CUEDC1: variants seen among roughly 807,000 people sequenced by gnomAD.
The protein encoded by CUEDC1 is CUE domain containing 1.
A neutral mutation model predicts 43.7 loss-of-function variants in CUEDC1; 30 were observed. The ratio of observed to expected loss-of-function variants is 0.69; its 90% CI spans 0.51 to 0.93. The LOEUF is 0.93. Ranked by LOEUF, CUEDC1 falls within the 40% of genes least tolerant of loss-of-function variation. The probability of loss-of-function intolerance (pLI) is 0.00; values close to 1 mark genes in which losing one functional copy is unlikely to be tolerated. For missense variants in CUEDC1, 486 were observed against 549.0 expected, an observed-to-expected ratio of 0.89 and a Z score of 1.15; for synonymous variants, 223 against 223.6, an observed-to-expected ratio of 1.00 and a Z score of 0.02.
intron 1 of CUEDC1, among the ~76,000 whole-genome samples, chr17:57,935,768 C>G (rs2074856031): frequency 6.6e-6 from 1 of 152,164 alleles, no homozygotes; most frequent in South Asian, 2.1e-4. Flanking sequence ...AGCGCCTGGC[C>G]GTCCCACCCC....
Position 57,868,835 on chromosome 17 carries a change from G to A in CUEDC1, c.940+287C>T, listed in dbSNP as rs939172161. On this transcript the variant is annotated intron_variant, in intron 7 of 10. Coordinates refer to ENST00000577830, the MANE Select transcript of CUEDC1 (RefSeq NM_001271875.2). ...CAGTCAGCTCCGGCCAAGCCTCCTC[G>A]AGCCACAGAGAACGTGAACATGAGG... Among the ~76,000 whole-genome samples, 7 of 152,188 alleles carry A rather than the reference G, an allele frequency of 4.6e-5. No homozygotes were observed. In the South Asian group the frequency reaches 6.2e-4, roughly 14 times the overall value.
chr17:57,894,539 C>T lies in CUEDC1; in HGVS notation c.-315-8660G>A, dbSNP rs369176823. ...TACAAAAATTAGCCCAGTGTGGTGG[C>T]GCATGCCTGTAATCCCAGCTACTTG... On this transcript the variant is annotated intron_variant, in intron 1 of 10. Transcript: ENST00000577830. 4.4e-4 allele frequency among the ~76,000 whole-genome samples: 67 copies of T among 152,006 alleles called. 1 individual carries two copies. Among genetic ancestry groups the T allele is most frequent in the African/African-American group, 1.6e-3 (65 of 41,466 alleles).
At chr17:57,909,124 T>G (rs997408773) in intron 1 of CUEDC1, among the ~76,000 whole-genome samples, 6 of 152,320 alleles carry the variant, frequency 3.9e-5, no homozygotes, top group African/African-American at 1.2e-4. Context: ...TAATTAAAAT[T>G]AAATAAAATG....
At chr17:57,866,690 T>C (rs1212284715) in intron 9 of CUEDC1, 146 bp from the exon 10 acceptor site, 9 of 711,796 alleles carry the variant, frequency 1.3e-5, no homozygotes, top group Middle Eastern at 2.8e-4. Flanking sequence ...AGACGATGCA[T>C]GGGTCCAGGG....
intron 1 of CUEDC1, among the ~76,000 whole-genome samples, chr17:57,897,647 T>A: frequency 8.1e-6 from 1 of 122,808 alleles, no homozygotes; most frequent in Non-Finnish European, 1.7e-5. Context: ...TCCAGCCTGG[T>A]CTCAATGAAA....
rs756698654 is a variant in CUEDC1, at chr17:57,868,248, G to T, written c.941-5C>A. 1.2e-6 allele frequency: 2 copies of T among 1,613,716 alleles called. No homozygotes were observed. The stretch of plus-strand genomic sequence containing the variant: ...CAAACAGTTTCCTCCGGGTGGCTGG[G>T]GGCAGAGAGACCTGTGAGTCATTCT... On this transcript the variant is annotated splice_region_variant and splice_polypyrimidine_tract_variant and intron_variant, in intron 7 of 10. Coordinates refer to ENST00000577830, the MANE Select transcript of CUEDC1 (RefSeq NM_001271875.2).
At chr17:57,904,773 TG>T (rs1188012491) in intron 1 of CUEDC1, among the ~76,000 whole-genome samples, 1 of 150,858 alleles carries the variant, frequency 6.6e-6, no homozygotes, top group Non-Finnish European at 1.5e-5. Flanking sequence ...CGTAGGGGAG[TG>T]GGGGGGCCTC....
intron 1 of CUEDC1, among the ~76,000 whole-genome samples, chr17:57,928,384 C>A (rs2074769399): frequency 6.6e-6 from 1 of 151,916 alleles, no homozygotes; most frequent in Non-Finnish European, 1.5e-5. Flanking sequence ...CCCATCTCTA[C>A]TAAAAATACA....
intron 1 of CUEDC1, among the ~76,000 whole-genome samples, chr17:57,935,406 A>AAAC (rs2074851586): frequency 2.6e-5 from 2 of 77,012 alleles, no homozygotes; most frequent in Non-Finnish European, 6.7e-5. Context: ...CACACACACA[A>AAAC]ACACACACAC....
chr17:57,881,083 C>A (rs1339856770), intron 2 of CUEDC1, among the ~76,000 whole-genome samples: 10 of 152,256 alleles, frequency 6.6e-5, no homozygotes, highest in Non-Finnish European at 1.0e-4. Context: ...CTCACTGGTA[C>A]ATCTCTGCTC....
chr17:57,897,978 A>C (rs1356144882), intron 1 of CUEDC1, among the ~76,000 whole-genome samples: 1 of 152,190 alleles, frequency 6.6e-6, no homozygotes, highest in Non-Finnish European at 1.5e-5. Flanking sequence ...GCACCACTGC[A>C]CTCCAGCCTG....
intron 1 of CUEDC1, among the ~76,000 whole-genome samples, chr17:57,937,535 G>T (rs987392121): frequency 2.0e-5 from 3 of 151,750 alleles, no homozygotes; most frequent in Admixed American, 6.6e-5. Context: ...GCTTGAACCT[G>T]GGAGGTCTAG....
rs1281652279 is a variant in CUEDC1 at position 57,885,661 on chromosome 17, G to A, written c.-97C>T. ...AGCCGCTTACTTGCCCTGCGGTCTC[G>A]GGCAGCTCACTCCTGCGCCTCCTCC... On this transcript the variant is annotated 5_prime_UTR_variant, in exon 2 of 11. Coordinates refer to ENST00000577830, the MANE Select transcript of CUEDC1 (RefSeq NM_001271875.2). 2.3e-6 allele frequency: 3 copies of A among 1,324,344 alleles called. No homozygotes were observed. Among genetic ancestry groups the A allele is most frequent in the East Asian group, 6.4e-5 (2 of 31,348 alleles). 82.0% of individuals were successfully genotyped at this position (1,324,344 alleles called of 1,614,324 possible). A position where few individuals can be genotyped will look rare whatever the true frequency, so the allele number is the denominator to read the frequency against.
chr17:57,914,809 G>A (rs1271597228), intron 1 of CUEDC1, among the ~76,000 whole-genome samples: 1 of 152,212 alleles, frequency 6.6e-6, no homozygotes. Context: ...CTAATCCTGG[G>A]TGCATTACTC....
chr17:57,918,578 G>A (rs536509052), intron 1 of CUEDC1, among the ~76,000 whole-genome samples: 4 of 152,204 alleles, frequency 2.6e-5, no homozygotes, highest in African/African-American at 9.7e-5. Flanking sequence ...AGCTGACACA[G>A]GGACACCTGT....
chr17:57,865,709 G>A (rs1233101603), intron 10 of CUEDC1, among the ~76,000 whole-genome samples: 1 of 152,210 alleles, frequency 6.6e-6, no homozygotes, highest in South Asian at 2.1e-4. Context: ...CGCTGCCTCA[G>A]GAGGGTTTCC....
rs906264751 is a variant in CUEDC1 at position 57,897,063 on chromosome 17, G to A, written c.-315-11184C>T. 2.0e-5 allele frequency among the ~76,000 whole-genome samples: 3 copies of A among 151,968 alleles called. 1 individual carries two copies. Among genetic ancestry groups the A allele is most frequent in the South Asian group, 4.2e-4 (2 of 4,812 alleles). On this transcript the variant is annotated intron_variant, in intron 1 of 10. Coordinates refer to ENST00000577830, the MANE Select transcript of CUEDC1 (RefSeq NM_001271875.2). The stretch of plus-strand genomic sequence containing the variant: ...TGGGATTACAGGCATGAGCCACCGC[G>A]CCTGGCCATGTCTTTTGCATATTAT...
At chr17:57,921,261 C>T (rs2074695459) in intron 1 of CUEDC1, among the ~76,000 whole-genome samples, 1 of 152,218 alleles carries the variant, frequency 6.6e-6, no homozygotes, top group Non-Finnish European at 1.5e-5. Context: ...GAACCCCCTT[C>T]CCCTCTCAGG....
At chr17:57,888,943 G>A (rs942445855) in intron 1 of CUEDC1, among the ~76,000 whole-genome samples, 1 of 151,964 alleles carries the variant, frequency 6.6e-6, no homozygotes, top group Admixed American at 6.5e-5. Flanking sequence ...GAGGAAGAAA[G>A]AAGATGGCAA....
Sources: allele counts gnomAD v4.1 joint callset (sites outside exome capture counted in the v4.1 genomes callset), GRCh38; gene constraint gnomAD v4.1.1; transcripts MANE v1.5; gene names NCBI Gene and HGNC (gene_info 2026-07-23, HGNC 2026-07-21).